Variants in LPIN1 observed in about 807,000 individuals in gnomAD.
The protein encoded by LPIN1 is lipin 1, also known as phosphatidate phosphatase LPIN1.
LPIN1 carries 71 observed loss-of-function variants against 107.5 expected under a neutral mutation model. The observed-to-expected ratio is 0.66, with a 90% CI of 0.55 to 0.80. LPIN1 has a LOEUF of 0.80. Ranked by LOEUF, LPIN1 falls within the 30% of genes least tolerant of loss-of-function variation. LPIN1 has a pLI of 0.00. For synonymous variants in LPIN1, 445 were observed against 452.6 expected, an observed-to-expected ratio of 0.98 and a Z score of 0.21; for missense variants, 1,043 against 1,160.6, an observed-to-expected ratio of 0.90 and a Z score of 1.47.
chr2:11,695,391 G>C (rs1662520002), intron 1 of LPIN1, among the ~76,000 whole-genome samples: 1 of 152,164 alleles, frequency 6.6e-6, no homozygotes, highest in Admixed American at 6.5e-5. Flanking sequence ...GGGGATGAGG[G>C]AGCTGGCCAT....
chr2:11,779,774 G>C, intron 7 of LPIN1, 129 bp downstream of exon 7: 1 of 1,070,076 alleles, frequency 9.3e-7, no homozygotes, highest in Non-Finnish European at 1.4e-6. Flanking sequence ...AATATATTAA[G>C]GGTTAGCCTT....
At chr2:11,679,807 G>T (rs530997309) in intron 1 of LPIN1, among the ~76,000 whole-genome samples, 1 of 152,248 alleles carries the variant, frequency 6.6e-6, no homozygotes, top group Non-Finnish European at 1.5e-5. Flanking sequence ...ATGGGGGCCG[G>T]GGGAGTCTGG....
In LPIN1 at chr2:11,816,039, AT is replaced by A. The variant is rs1193139412; in HGVS notation, c.2402+801del. 4 of 152,212 alleles carry A rather than the reference AT, an allele frequency of 2.6e-5. No homozygotes were observed. The East Asian group carries it at 5.8e-4, about 22-fold the overall frequency. The allele number at this position is 152,212 out of a possible 1,614,324, so 9.4% of individuals were successfully genotyped here. A position where few individuals can be genotyped will look rare whatever the true frequency, so the allele number is the denominator to read the frequency against. The stretch of plus-strand genomic sequence containing the variant: ...CATAAACTTGGTCTTTATGAATGTC[AT>A]TGACGTGATTCTGCCTGAATTTGAA... On this transcript the variant is annotated intron_variant, in intron 18 of 20. Coordinates refer to ENST00000674199, the MANE Select transcript of LPIN1 (RefSeq NM_001349206.2).
At chr2:11,729,445 A>G (rs1028557881) in intron 1 of LPIN1, among the ~76,000 whole-genome samples, 4 of 152,244 alleles carry the variant, frequency 2.6e-5, no homozygotes, top group African/African-American at 7.2e-5. Context: ...ACTTTCACAT[A>G]TGCAGTTAAC....
chr2:11,794,107 C>T lies in LPIN1; in HGVS notation c.1807-1301C>T, dbSNP rs535755847. On this transcript the variant is annotated intron_variant, in intron 13 of 20. Transcript: ENST00000674199. ...ATTGTTCTTTGACATTTTCTGTTAG[C>T]ATATCTGAGGTCTACTCATCAGTTT... 2.0e-5 allele frequency among the ~76,000 whole-genome samples: 3 copies of T among 152,296 alleles called. No individual in the cohort carries two copies. In the South Asian group the frequency reaches 6.2e-4, roughly 32 times the overall value.
At chr2:11,688,207 G>C (rs1453359910) in intron 1 of LPIN1, among the ~76,000 whole-genome samples, 3 of 152,184 alleles carry the variant, frequency 2.0e-5, no homozygotes, top group African/African-American at 7.2e-5. Context: ...GAGATAAAAG[G>C]ACGGAGAGCT....
chr2:11,784,716 G>A (rs1674194366), intron 9 of LPIN1, 170 bp from the exon 10 acceptor site: 1 of 713,262 alleles, frequency 1.4e-6, no homozygotes, highest in African/African-American at 1.7e-5. Context: ...CCTAAGCTAA[G>A]GCGTTTAATG....
At chr2:11,784,395 CG>C in intron 9 of LPIN1, 1 of 1,116,398 alleles carries the variant, frequency 9.0e-7, no homozygotes, top group South Asian at 2.4e-5. Context: ...CATAAGGGTG[CG>C]GGTACTGGGC....
intron 6 of LPIN1, 61 bp downstream of exon 6, chr2:11,776,254 T>C (rs1672669540): frequency 1.9e-6 from 2 of 1,063,392 alleles, no homozygotes; most frequent in African/African-American, 3.1e-5. Context: ...ATCTAACTCT[T>C]ACTATAAGTC....
intron 13 of LPIN1, among the ~76,000 whole-genome samples, chr2:11,795,160 T>G (rs555876702): frequency 6.6e-6 from 1 of 152,226 alleles, no homozygotes; most frequent in Non-Finnish European, 1.5e-5. Context: ...CAAACACTTA[T>G]GGATAACAGA....
intron 17 of LPIN1, among the ~76,000 whole-genome samples, 176 bp from the exon 18 acceptor site, chr2:11,814,912 A>C (rs1417594411): frequency 1.3e-5 from 2 of 152,198 alleles, no homozygotes; most frequent in Admixed American, 1.3e-4. Flanking sequence ...TTACAGTGAA[A>C]TGTATTTAAG....
chr2:11,792,563 A>C (rs1675955574), intron 13 of LPIN1, among the ~76,000 whole-genome samples: 1 of 151,890 alleles, frequency 6.6e-6, no homozygotes, highest in Non-Finnish European at 1.5e-5. Context: ...TTGTATTTTT[A>C]GTGGAGACGG....
At position 11,771,579 on chromosome 2, in the gene LPIN1, A is replaced by G. The variant is rs767391971; in HGVS notation, c.496A>G (p.Ser166Gly). 1.2e-6 allele frequency: 2 copies of G among 1,613,548 alleles called. No individual in the cohort carries two copies. The highest frequency in any genetic ancestry group is 1.1e-5 in the South Asian group (1 of 90,908). Residue 166 changes from serine to glycine, a missense_variant, in exon 4 of 21, where the codon AGC becomes GGC. Physicochemically the swap from Ser to Gly is moderately conservative, Grantham distance 56 (BLOSUM62 0). Coordinates refer to ENST00000674199, the MANE Select transcript of LPIN1 (RefSeq NM_001349206.2). The surrounding 1 kb of genome is among the most constrained non-coding windows in gnomAD (Gnocchi z 4.8). ...AAGGAGGAGAAAGTCACAGCTGGAC[A>G]GCCTGAAGAGAGATGACAACATGAA... is the stretch of plus-strand genomic sequence containing the variant. ...RKRRRKSQLD[S>G]LKRDDNMNTS...
intron 18 of LPIN1, chr2:11,819,118 T>C (rs1433532333): frequency 4.2e-6 from 1 of 238,874 alleles, no homozygotes; most frequent in African/African-American, 2.3e-5. Flanking sequence ...ACAAATGAGA[T>C]TGGTCCACAC....
chr2:11,805,245 G>A lies in LPIN1; in HGVS notation c.2249+89G>A, dbSNP rs911088048. ...ATGGAATCTTTCCTGTCCCAGCACG[G>A]GGTGACTTGCAGAGAGGGCTGCACC... On this transcript the variant is annotated intron_variant, in intron 17 of 20. Transcript: ENST00000674199. The A allele has an allele frequency of 2.9e-5, 31 of 1,067,702 alleles. No homozygotes were observed. In the South Asian group the frequency reaches 3.6e-4, roughly 12 times the overall value. 66.1% of individuals were successfully genotyped at this position (1,067,702 alleles called of 1,614,324 possible).
chr2:11,765,476 G>T lies in LPIN1; in HGVS notation c.-9-57G>T, dbSNP rs1428562595. ...AAATGGTGAGGAGTTCATTTTGATT[G>T]GCTCTTCCTTGGATTAATTGTGTGT... On this transcript the variant is annotated intron_variant, in intron 1 of 20. Coordinates refer to ENST00000674199, the MANE Select transcript of LPIN1 (RefSeq NM_001349206.2). This position sits in a 1 kb window ranked among gnomAD's most constrained non-coding sequence, Gnocchi z 4.4. 6.6e-7 allele frequency: 1 copy of T among 1,508,442 alleles called. No individual in the cohort carries two copies. Among genetic ancestry groups the T allele is most frequent in the Admixed American group, 1.9e-5 (1 of 52,908 alleles). 93.4% of individuals were successfully genotyped at this position (1,508,442 alleles called of 1,614,324 possible).
At chr2:11,748,922 G>A (rs189558741) in intron 1 of LPIN1, among the ~76,000 whole-genome samples, 1 of 152,148 alleles carries the variant, frequency 6.6e-6, no homozygotes, top group Admixed American at 6.5e-5. Context: ...GGTTCGACCT[G>A]TTTGCACTTG....
chr2:11,768,912 G>A (rs1671403039), intron 3 of LPIN1, among the ~76,000 whole-genome samples: 1 of 152,046 alleles, frequency 6.6e-6, no homozygotes, highest in Non-Finnish European at 1.5e-5. Flanking sequence ...CTCCAGCCTG[G>A]GTGTCAGAGC....
intron 1 of LPIN1, among the ~76,000 whole-genome samples, chr2:11,755,315 C>T (rs528398135): frequency 6.6e-6 from 1 of 152,118 alleles, no homozygotes; most frequent in Non-Finnish European, 1.5e-5. Context: ...CGTGCCCCGA[C>T]TTGCCAAGCT....
Sources: allele counts gnomAD v4.1 joint callset (sites outside exome capture counted in the v4.1 genomes callset), GRCh38; gene constraint gnomAD v4.1.1; non-coding constraint Gnocchi (gnomAD v3.1); transcripts MANE v1.5; gene names NCBI Gene and HGNC (gene_info 2026-07-23, HGNC 2026-07-21).